The following XXYLT1 variants were observed in gnomAD, a reference collection of about 807,000 sequenced individuals.
XXYLT1 encodes UDP-xylose:alpha-xyloside alpha-1,3-xylosyltransferase.
A neutral mutation model predicts 28.9 loss-of-function variants in XXYLT1; 20 were observed. The observed-to-expected ratio is 0.69, with a 90% CI of 0.49 to 1.00. XXYLT1 has a LOEUF of 1.00. Among genes scored for constraint, XXYLT1 ranks in the 50% least tolerant of loss-of-function variants. The pLI is 0.00. For synonymous variants in XXYLT1, 257 were observed against 253.8 expected (o/e 1.01, Z -0.12); for missense variants, 542 against 560.1 (o/e 0.97, Z 0.33).
At chr3:195,106,133 A>G (rs1247217079) in intron 3 of XXYLT1, among the ~76,000 whole-genome samples, 2 of 152,272 alleles carry the variant, frequency 1.3e-5, no homozygotes, top group Non-Finnish European at 2.9e-5. Flanking sequence ...ACCAATCAAT[A>G]AAGTTACTTC....
At chr3:195,247,758 T>A (rs1227324962) in intron 1 of XXYLT1, 2 of 701,190 alleles carry the variant, frequency 2.9e-6, no homozygotes, top group South Asian at 3.0e-5. Flanking sequence ...GGAAAAGAGG[T>A]TTGATGGACT....
intron 2 of XXYLT1, among the ~76,000 whole-genome samples, chr3:195,224,640 C>T (rs182065899): frequency 3.4e-3 from 522 of 152,240 alleles, no homozygotes; most frequent in Non-Finnish European, 5.2e-3. Context: ...GAGTTGAGCA[C>T]GCAATGGGCA....
intron 1 of XXYLT1, among the ~76,000 whole-genome samples, chr3:195,249,586 C>T (rs1340701516): frequency 6.6e-6 from 1 of 152,220 alleles, no homozygotes; most frequent in Non-Finnish European, 1.5e-5. Flanking sequence ...AAGGTCCCTG[C>T]CCAGGGTGAC....
rs150453746 is a variant in XXYLT1, at chr3:195,123,821, A to G, written c.785+32628T>C. ...AGGGTCTGGGCCACTGCCCCATATC[A>G]ACTTCTGTCCCCCGCCCAGGACATC... On this transcript the variant is annotated intron_variant, in intron 3 of 3. Coordinates refer to ENST00000310380, the MANE Select transcript of XXYLT1 (RefSeq NM_152531.5). 4.4e-3 allele frequency among the ~76,000 whole-genome samples: 674 copies of G among 152,230 alleles called. 6 individuals are homozygous for G. Among genetic ancestry groups the G allele is most frequent in the African/African-American group, 0.016 (651 of 41,504 alleles).
At chr3:195,087,857 A>T (rs141472390) in intron 3 of XXYLT1, among the ~76,000 whole-genome samples, 30,279 of 150,132 alleles carry the variant, frequency 0.2, 4,052 homozygotes, top group African/African-American at 0.35. Context: ...GGGCGAGGCA[A>T]AGCCTCACTT....
At chr3:195,185,488 G>T (rs1460049386) in intron 2 of XXYLT1, among the ~76,000 whole-genome samples, 1 of 147,132 alleles carries the variant, frequency 6.8e-6, no homozygotes, top group Non-Finnish European at 1.5e-5. Flanking sequence ...TTGGTCCAGA[G>T]AGGTTTAGGG....
chr3:195,135,389 C>T (rs916772281), intron 3 of XXYLT1, among the ~76,000 whole-genome samples: 3 of 152,150 alleles, frequency 2.0e-5, no homozygotes, highest in Non-Finnish European at 4.4e-5. Flanking sequence ...ATCTTTCCAT[C>T]CCCTTATCAA....
At chr3:195,242,452 G>A (rs1482385059) in intron 1 of XXYLT1, among the ~76,000 whole-genome samples, 1 of 152,152 alleles carries the variant, frequency 6.6e-6, no homozygotes. Context: ...AGCAACACCA[G>A]GGTTCTTGGT....
chr3:195,222,114 C>T (rs1215168735), intron 2 of XXYLT1, among the ~76,000 whole-genome samples: 2 of 152,158 alleles, frequency 1.3e-5, no homozygotes, highest in Non-Finnish European at 2.9e-5. Context: ...TGTGGGGCTG[C>T]GACATGGGGC....
At chr3:195,185,451 T>C (rs1377749303) in intron 2 of XXYLT1, among the ~76,000 whole-genome samples, 2 of 151,462 alleles carry the variant, frequency 1.3e-5, no homozygotes, top group Non-Finnish European at 2.9e-5. Flanking sequence ...CACTAGTATT[T>C]TGGGGTCCTG....
At chr3:195,089,213 A>G (rs981527166) in intron 3 of XXYLT1, among the ~76,000 whole-genome samples, 1 of 152,060 alleles carries the variant, frequency 6.6e-6, no homozygotes, top group Non-Finnish European at 1.5e-5. Flanking sequence ...CAACTCCAAG[A>G]CACATAATTG....
chr3:195,120,402 T>C (rs1718297506), intron 3 of XXYLT1, among the ~76,000 whole-genome samples: 1 of 151,962 alleles, frequency 6.6e-6, no homozygotes, highest in African/African-American at 2.4e-5. Flanking sequence ...TTGAACCATG[T>C]GTAAACCATC....
At position 195,146,463 on chromosome 3, in the gene XXYLT1, C is replaced by T. The variant is rs79159215; in HGVS notation, c.785+9986G>A. ...TGCCTCCACTGTAGCCCTGTCCAGA[C>T]CCACGTCCCACTGCAAGCTCCTGGA... On this transcript the variant is annotated intron_variant, in intron 3 of 3. Transcript: ENST00000310380. Among the ~76,000 whole-genome samples the T allele has an allele frequency of 7.2e-3, 1,092 of 152,366 alleles. 14 individuals are homozygous for T. The highest frequency in any genetic ancestry group is 0.025 in the African/African-American group (1,044 of 41,582).
intron 2 of XXYLT1, among the ~76,000 whole-genome samples, chr3:195,213,615 G>A (rs1236684159): frequency 6.6e-6 from 1 of 152,224 alleles, no homozygotes; most frequent in Non-Finnish European, 1.5e-5. Flanking sequence ...CTCAGAATGT[G>A]AATAGGTATT....
At chr3:195,234,083 ATTT>A (rs34281713) in intron 1 of XXYLT1, among the ~76,000 whole-genome samples, 2 of 140,634 alleles carry the variant, frequency 1.4e-5, no homozygotes. Context: ...CGCCCAGCTA[ATTT>A]TTTTTTTTTT....
Position 195,069,170 on chromosome 3 carries a change from G to A in XXYLT1, c.*545C>T, listed in dbSNP as rs1714657460. 1 of 153,772 alleles carries A rather than the reference G, an allele frequency of 6.5e-6. No homozygotes were observed. Among genetic ancestry groups the A allele is most frequent in the East Asian group, 1.9e-4 (1 of 5,206 alleles). The allele number at this position is 153,772 out of a possible 1,614,324, so 9.5% of individuals were successfully genotyped here. A position where few individuals can be genotyped will look rare whatever the true frequency, so the allele number is the denominator to read the frequency against. ...ACACCAAGTGACGTGAGCATCAGGA[G>A]AATGCGCGTGCAGCAGCCTCCCAGG... On this transcript the variant is annotated 3_prime_UTR_variant, in exon 4 of 4. Transcript: ENST00000310380.
intron 2 of XXYLT1, among the ~76,000 whole-genome samples, chr3:195,158,889 C>T (rs951173001): frequency 8.5e-5 from 13 of 152,124 alleles, no homozygotes; most frequent in African/African-American, 3.1e-4. Flanking sequence ...GGGCCTGTTC[C>T]TCTGGCCTCT....
At chr3:195,112,484 G>A (rs11928381) in intron 3 of XXYLT1, among the ~76,000 whole-genome samples, 337 of 128,282 alleles carry the variant, frequency 2.6e-3, no homozygotes, top group Non-Finnish European at 4.2e-3. Context: ...ATGCACACAC[G>A]CATGGACACA....
intron 2 of XXYLT1, among the ~76,000 whole-genome samples, chr3:195,186,957 C>T (rs1362125511): frequency 2.0e-5 from 3 of 150,734 alleles, no homozygotes; most frequent in South Asian, 4.2e-4. Flanking sequence ...TGCAGTGGCG[C>T]GATCTCGGCT....
Sources: gnomAD v4.1 joint callset for allele counts (sites outside exome capture counted in the v4.1 genomes callset) on GRCh38, gnomAD v4.1.1 for gene constraint, MANE v1.5 for transcripts, NCBI Gene and HGNC (gene_info 2026-07-23, HGNC 2026-07-21) for gene names.